The following GFPT2 variants were observed in gnomAD, a reference collection of about 807,000 sequenced individuals.
The protein encoded by GFPT2 is glutamine--fructose-6-phosphate aminotransferase [isomerizing] 2.
Under a neutral mutation model 85.6 loss-of-function variants are expected in GFPT2, and 62 were observed. The ratio of observed to expected loss-of-function variants is 0.72; its 90% CI spans 0.59 to 0.90. GFPT2 has a LOEUF of 0.90. GFPT2 is among the 40% of genes least tolerant of loss of function. The probability of loss-of-function intolerance (pLI) is 0.00; values close to 1 mark genes in which losing one functional copy is unlikely to be tolerated. For synonymous variants in GFPT2, 368 were observed against 344.5 expected, an observed-to-expected ratio of 1.07 and a Z score of -0.75; for missense variants, 788 against 893.4, an observed-to-expected ratio of 0.88 and a Z score of 1.50.
chr5:180,322,566 G>A (rs976504459), intron 9 of GFPT2, among the ~76,000 whole-genome samples: 8 of 152,176 alleles, frequency 5.3e-5, no homozygotes, highest in Non-Finnish European at 1.0e-4. Flanking sequence ...GGTCCCACTT[G>A]AACCAGATAC....
chr5:180,352,885 G>C, intron 1 of GFPT2: 1 of 448,774 alleles, frequency 2.2e-6, no homozygotes. Context: ...GGCATGGGGT[G>C]GGGACCCCTC....
chr5:180,340,352 A>G (rs1180308687), intron 1 of GFPT2, among the ~76,000 whole-genome samples: 1 of 146,340 alleles, frequency 6.8e-6, no homozygotes, highest in African/African-American at 2.5e-5. Context: ...GATTACAGGC[A>G]TGTGCCACCA....
chr5:180,317,675 C>T (rs943893001), intron 10 of GFPT2, among the ~76,000 whole-genome samples: 6 of 126,280 alleles, frequency 4.8e-5, no homozygotes, highest in Admixed American at 8.4e-5. Flanking sequence ...AGGAGAATGG[C>T]GTGAACCCGG....
chr5:180,313,686 G>A (rs1326153225), intron 14 of GFPT2, 121 bp downstream of exon 14: 1 of 664,706 alleles, frequency 1.5e-6, no homozygotes, highest in Non-Finnish European at 2.4e-6. Flanking sequence ...GAGAGAAGGG[G>A]TGAGGCGGGA....
intron 9 of GFPT2, among the ~76,000 whole-genome samples, chr5:180,322,295 C>CA (rs778043318): frequency 3.0e-3 from 390 of 131,032 alleles, no homozygotes; most frequent in African/African-American, 4.4e-3. Flanking sequence ...GACCCTGTCT[C>CA]AAAAAAAAAA....
chr5:180,344,871 T>C (rs904979448), intron 1 of GFPT2, among the ~76,000 whole-genome samples: 1 of 152,120 alleles, frequency 6.6e-6, no homozygotes, highest in African/African-American at 2.4e-5. Context: ...AGGGCTGTAA[T>C]AAGGGGCAAC....
At chr5:180,331,847 C>G (rs1311772803) in intron 4 of GFPT2, among the ~76,000 whole-genome samples, 1 of 152,136 alleles carries the variant, frequency 6.6e-6, no homozygotes, top group African/African-American at 2.4e-5. Context: ...AGAGCTCTCC[C>G]CTGTGCGCTA....
intron 14 of GFPT2, among the ~76,000 whole-genome samples, chr5:180,313,362 C>T (rs902323037): frequency 4.6e-5 from 7 of 151,228 alleles, no homozygotes; most frequent in Non-Finnish European, 7.4e-5. Flanking sequence ...GAGGCCGAGG[C>T]GGGCGGATCA....
At chr5:180,337,704 C>T (rs960085207) in intron 2 of GFPT2, among the ~76,000 whole-genome samples, 5 of 152,100 alleles carry the variant, frequency 3.3e-5, no homozygotes, top group African/African-American at 1.2e-4. Context: ...GCTGCGCATA[C>T]TTAATGTCTA....
Position 180,335,935 on chromosome 5 carries a change from A to C in GFPT2, c.233T>G (p.Leu78Ter). 6.3e-7 allele frequency: 1 copy of C among 1,575,484 alleles called. No homozygotes were observed. The highest frequency in any genetic ancestry group is 2.0e-5 in the Admixed American group (1 of 49,264). Residue 78 changes from leucine (L) to a stop codon, truncating the protein, a stop_gained, in exon 4 of 19, where the codon TTA becomes TGA. Coordinates refer to ENST00000253778, the MANE Select transcript of GFPT2 (RefSeq NM_005110.4). LOFTEE classifies it high-confidence loss of function. ...EELYKQDSMD[L>*]KVEFETHFGI... ...GAAGTGTGTCTCAAACTCCACTTTT[A>C]AGTCCATGCTGTCTTGTTCTAAATG...
intron 1 of GFPT2, among the ~76,000 whole-genome samples, chr5:180,346,297 T>C (rs1293478955): frequency 6.6e-6 from 1 of 152,082 alleles, no homozygotes; most frequent in Non-Finnish European, 1.5e-5. Context: ...ACAATCAGCA[T>C]AGAAACCTAT....
At position 180,324,903 on chromosome 5, in the gene GFPT2, G is replaced by GAA. The variant is rs1764185282; in HGVS notation, c.597-9_597-8insTT. ...AGCAGGGGGCTGCCTCTCCTGTAGG[G>GAA]AGAAAGAGGCATCCCATTACCCATT... On this transcript the variant is annotated splice_polypyrimidine_tract_variant and intron_variant, in intron 7 of 18. Transcript: ENST00000253778. The GAA allele has an allele frequency of 6.3e-7, 1 of 1,582,486 alleles. No homozygotes were observed. The highest frequency in any genetic ancestry group is 8.7e-7 in the Non-Finnish European group (1 of 1,151,636).
At chr5:180,331,854 G>A (rs894623743) in intron 4 of GFPT2, among the ~76,000 whole-genome samples, 5 of 152,250 alleles carry the variant, frequency 3.3e-5, no homozygotes, top group Admixed American at 6.5e-5. Context: ...TCCCCTGTGC[G>A]CTATTATAGT....
In GFPT2 at chr5:180,313,907, G is replaced by C. The variant is rs763947287; in HGVS notation, c.1331C>G (p.Thr444Ser). ...LRYCKDRGAL[T>S]VGVTNTVGSS... is the part of the protein sequence containing the mutation. ...GCCCACGGTGTTGGTGACGCCCACG[G>C]TGAGAGCGCCGCGGTCCTTACAGTA... Residue 444 changes from threonine (T) to serine (S), a missense_variant, in exon 14 of 19, where the codon ACC (threonine) becomes AGC (serine). Physicochemically the swap from Thr to Ser is moderately conservative, Grantham distance 58 (BLOSUM62 1). Coordinates refer to ENST00000253778, the MANE Select transcript of GFPT2 (RefSeq NM_005110.4). The C allele has an allele frequency of 4.4e-5, 70 of 1,606,558 alleles. No homozygotes were observed. The highest frequency in any genetic ancestry group is 5.6e-5 in the Non-Finnish European group (66 of 1,179,490).
intron 1 of GFPT2, among the ~76,000 whole-genome samples, chr5:180,339,939 T>C (rs1408789951): frequency 1.3e-5 from 2 of 152,234 alleles, no homozygotes; most frequent in Middle Eastern, 3.2e-3. Flanking sequence ...GTATGGGTCA[T>C]AGAAATGTCA....
At chr5:180,315,323 G>A (rs1404492042) in intron 13 of GFPT2, among the ~76,000 whole-genome samples, 4 of 151,974 alleles carry the variant, frequency 2.6e-5, no homozygotes, top group Admixed American at 1.3e-4. Context: ...GACTACAGGC[G>A]CCCGCCACCA....
chr5:180,336,930 A>G (rs376270049), intron 2 of GFPT2, among the ~76,000 whole-genome samples: 1 of 152,228 alleles, frequency 6.6e-6, no homozygotes, highest in South Asian at 2.1e-4. Flanking sequence ...GCATTGTGAT[A>G]TTTCGTTGGT....
chr5:180,319,301 T>C (rs1764074718), intron 9 of GFPT2, among the ~76,000 whole-genome samples: 2 of 152,258 alleles, frequency 1.3e-5, no homozygotes, highest in African/African-American at 4.8e-5. Context: ...CATGTTTACA[T>C]ATCTCCAATA....
chr5:180,331,574 G>C, intron 4 of GFPT2, 21 bp from the exon 5 acceptor site: 1 of 1,433,064 alleles, frequency 7.0e-7, no homozygotes, highest in Non-Finnish European at 9.9e-7. Flanking sequence ...AGTTAAGAGA[G>C]AAATGCTATT....
Sources: gnomAD v4.1 joint callset for allele counts (sites outside exome capture counted in the v4.1 genomes callset) on GRCh38, gnomAD v4.1.1 for gene constraint, MANE v1.5 for transcripts, NCBI Gene and HGNC (gene_info 2026-07-23, HGNC 2026-07-21) for gene names.